MECOM: variants seen among roughly 807,000 people sequenced by gnomAD.
MECOM encodes the protein histone-lysine N-methyltransferase MECOM.
A neutral mutation model predicts 116.3 loss-of-function variants in MECOM; 13 were observed. The observed-to-expected ratio is 0.11, with a 90% CI of 0.07 to 0.18. The LOEUF (loss-of-function observed/expected upper bound fraction) is 0.18, where lower values mean the gene tolerates loss of function less well. Ranked by LOEUF, MECOM falls within the 10% of genes least tolerant of loss-of-function variation. The pLI is 1.00. For synonymous variants in MECOM, 528 were observed against 535.2 expected (o/e 0.99, Z 0.19); for missense variants, 1,299 against 1,509.0 (o/e 0.86, Z 2.31).
At chr3:169,656,160 G>A (rs143272189) in intron 1 of MECOM, among the ~76,000 whole-genome samples, 133 of 152,310 alleles carry the variant, frequency 8.7e-4, no homozygotes, top group Non-Finnish European at 1.3e-3. Context: ...CCATGTACAA[G>A]CACTTTCATT....
chr3:169,612,766 C>T (rs1461255735), intron 1 of MECOM, among the ~76,000 whole-genome samples: 2 of 152,120 alleles, frequency 1.3e-5, no homozygotes, highest in Non-Finnish European at 2.9e-5. Flanking sequence ...AAAATACGTG[C>T]TTTCACCTTC....
intron 2 of MECOM, among the ~76,000 whole-genome samples, chr3:169,251,620 G>A (rs1248441287): frequency 6.6e-6 from 1 of 152,166 alleles, no homozygotes; most frequent in Non-Finnish European, 1.5e-5. Flanking sequence ...CCCAGTGGGA[G>A]AGGAGCCACA....
rs926097043 is a variant in MECOM, at chr3:169,084,723, C to G, written c.*186G>C. 3.3e-6 allele frequency: 2 copies of G among 605,208 alleles called. No individual in the cohort carries two copies. Among genetic ancestry groups the G allele is most frequent in the African/African-American group, 1.9e-5 (1 of 53,618 alleles). The allele number at this position is 605,208 out of a possible 1,614,324, so 37.5% of individuals were successfully genotyped here. ...GCCTTTGCTGTGCAAAACAAAATAT[C>G]GAGAATAAATAGTTTCTTTTTTCTT... On this transcript the variant is annotated 3_prime_UTR_variant, in exon 17 of 17. Coordinates refer to ENST00000651503, the MANE Select transcript of MECOM (RefSeq NM_004991.4).
In MECOM at chr3:169,566,684, C is replaced by T. The variant is rs138597908; in HGVS notation, c.37+96652G>A. On this transcript the variant is annotated intron_variant, in intron 1 of 16. Transcript: ENST00000651503. ...CTCCCTGCAGCCAGCCCACAGATCA[C>T]CCTGGCAACCCAGCAGATGAGCCCA... Among the ~76,000 whole-genome samples the T allele has an allele frequency of 3.6e-4, 55 of 152,280 alleles. 1 individual carries two copies. In the East Asian group the frequency reaches 0.01, roughly 28 times the overall value.
chr3:169,477,514 A>C lies in MECOM; in HGVS notation c.38-95990T>G, dbSNP rs1239654964. ...TTTTATGTGAGAATGGAATTGTAAGATTAATCTTTGGCCAAGAGCACTTCT... is the reference window on the plus strand; with the variant it reads ...TTTTATGTGAGAATGGAATTGTAAGCTTAATCTTTGGCCAAGAGCACTTCT... On this transcript the variant is annotated intron_variant, in intron 1 of 16. Transcript: ENST00000651503. Among the ~76,000 whole-genome samples the C allele has an allele frequency of 2.0e-5, 3 of 152,168 alleles. No homozygotes were observed. In the South Asian group the frequency reaches 6.2e-4, roughly 32 times the overall value.
chr3:169,607,668 G>A (rs1193260731), intron 1 of MECOM, among the ~76,000 whole-genome samples: 1 of 152,202 alleles, frequency 6.6e-6, no homozygotes, highest in African/African-American at 2.4e-5. Context: ...GGTAAAGTTG[G>A]TGTGATGTGT....
rs1409887723 is a variant in MECOM at position 169,503,988 on chromosome 3, T to C, written c.38-122464A>G. Reference sequence around the variant, plus strand: ...TGTTTAAAGCTATATGTTGAATCTCTACTCTACTTTTGGGTGTCTGGCCAT... The same window carrying C: ...TGTTTAAAGCTATATGTTGAATCTCCACTCTACTTTTGGGTGTCTGGCCAT... On this transcript the variant is annotated intron_variant, in intron 1 of 16. Transcript: ENST00000651503. 2.0e-5 allele frequency among the ~76,000 whole-genome samples: 3 copies of C among 152,174 alleles called. No individual in the cohort carries two copies. The South Asian group carries it at 6.2e-4, about 32-fold the overall frequency.
intron 2 of MECOM, among the ~76,000 whole-genome samples, chr3:169,175,919 T>C (rs1745089450): frequency 6.6e-6 from 1 of 152,102 alleles, no homozygotes; most frequent in African/African-American, 2.4e-5. Context: ...CAATAAAAAC[T>C]GAAGAAGAAC....
chr3:169,116,346 C>T lies in MECOM; in HGVS notation c.1526G>A (p.Ser509Asn), dbSNP rs1283406726. The change falls in exon 8 of 17, where the codon AGT becomes AAT. Residue 509 changes from serine (S) to asparagine (N), a missense_variant. By Grantham distance (46) the Ser-to-Asn change is conservative. Transcript: ENST00000651503. ...LYHRPPLIPA[S>N]SPVKGLSSTE... is the part of the protein sequence containing the mutation. ...ACTTGATAGTCCTTTAACAGGAGAA[C>T]TAGCAGGTATCAAAGGAGGCCTGTG... The T allele has an allele frequency of 2.5e-6, 4 of 1,614,068 alleles. No individual in the cohort carries two copies. Among genetic ancestry groups the T allele is most frequent in the Non-Finnish European group, 3.4e-6 (4 of 1,180,048 alleles).
intron 1 of MECOM, among the ~76,000 whole-genome samples, chr3:169,549,478 A>G (rs1761114456): frequency 6.6e-6 from 1 of 151,970 alleles, no homozygotes; most frequent in South Asian, 2.1e-4. Context: ...TTATCCTGAT[A>G]CCAAAAGACA....
intron 16 of MECOM, among the ~76,000 whole-genome samples, chr3:169,088,676 G>GTAAT (rs1429977851): frequency 1.3e-5 from 2 of 152,100 alleles, no homozygotes; most frequent in Non-Finnish European, 2.9e-5. Flanking sequence ...TGACTCTGAG[G>GTAAT]TAATACATAA....
In MECOM at chr3:169,655,010, T is replaced by C. The variant is rs1412739322; in HGVS notation, c.37+8326A>G. Among the ~76,000 whole-genome samples the C allele has an allele frequency of 3.9e-5, 6 of 152,318 alleles. No individual in the cohort carries two copies. In the South Asian group the frequency reaches 8.3e-4, roughly 21 times the overall value. Reference sequence around the variant, plus strand: ...ATATATTGCAGGCAGAGGTGTTTGGTTGGGCCTGCAGAATTTTTTAAAATT... The same window carrying C: ...ATATATTGCAGGCAGAGGTGTTTGGCTGGGCCTGCAGAATTTTTTAAAATT... On this transcript the variant is annotated intron_variant, in intron 1 of 16. Coordinates refer to ENST00000651503, the MANE Select transcript of MECOM (RefSeq NM_004991.4).
intron 2 of MECOM, among the ~76,000 whole-genome samples, chr3:169,333,849 C>T (rs1723135188): frequency 6.7e-6 from 1 of 149,516 alleles, no homozygotes; most frequent in Middle Eastern, 3.2e-3. Flanking sequence ...ACCTCCCCGC[C>T]TTCCTTCCTT....
rs762951664 is a variant in MECOM, at chr3:169,127,954, T to C, written c.720A>G (p.Ser240=). 1.2e-6 allele frequency: 2 copies of C among 1,614,084 alleles called. No individual in the cohort carries two copies. Among genetic ancestry groups the C allele is most frequent in the Non-Finnish European group, 1.7e-6 (2 of 1,179,952 alleles). Residue 240 remains serine, a synonymous_variant, in exon 5 of 17, where the codon TCA becomes TCG. Transcript: ENST00000651503. ...FPCSTPHSAF[S]MVEEDFQQKL... ...TTTGCTGAAAGTCCTCTTCAACCATTGAAAATGCTGAGTGAGGAGTACTGC... is the reference window on the plus strand; with the variant it reads ...TTTGCTGAAAGTCCTCTTCAACCATCGAAAATGCTGAGTGAGGAGTACTGC...
intron 2 of MECOM, among the ~76,000 whole-genome samples, chr3:169,352,615 T>C (rs993876879): frequency 9.2e-5 from 14 of 152,036 alleles, no homozygotes; most frequent in Non-Finnish European, 1.6e-4. Context: ...AAATTTTTAA[T>C]GTCTAATTTC....
chr3:169,550,662 C>A (rs1034581025), intron 1 of MECOM, among the ~76,000 whole-genome samples: 2 of 152,180 alleles, frequency 1.3e-5, no homozygotes, highest in Non-Finnish European at 2.9e-5. Context: ...TCTGTGGATA[C>A]AATTATATAT....
intron 1 of MECOM, among the ~76,000 whole-genome samples, chr3:169,606,343 G>A (rs537781129): frequency 1.6e-4 from 24 of 151,700 alleles, no homozygotes; most frequent in Admixed American, 1.1e-3. Context: ...AACTCAGGAG[G>A]CGGAGTTTGC....
intron 2 of MECOM, among the ~76,000 whole-genome samples, chr3:169,328,773 T>C (rs1349452774): frequency 6.6e-6 from 1 of 152,132 alleles, no homozygotes; most frequent in Non-Finnish European, 1.5e-5. Flanking sequence ...TTCAGTTGTA[T>C]GGGAAAACAA....
chr3:169,354,889 C>T (rs1262711581), intron 2 of MECOM, among the ~76,000 whole-genome samples: 1 of 151,826 alleles, frequency 6.6e-6, no homozygotes, highest in Non-Finnish European at 1.5e-5. Flanking sequence ...TTAGAGTGCC[C>T]ACCTGTAGCC....
Sources: allele counts gnomAD v4.1 joint callset (sites outside exome capture counted in the v4.1 genomes callset), GRCh38; gene constraint gnomAD v4.1.1; transcripts MANE v1.5; gene names NCBI Gene and HGNC (gene_info 2026-07-23, HGNC 2026-07-21).